Variants in PCDHGA6 observed in about 807,000 individuals in gnomAD.
PCDHGA6 encodes the protein protocadherin gamma-A6.
PCDHGA6 carries 41 observed loss-of-function variants against 60.6 expected under a neutral mutation model. The ratio of observed to expected loss-of-function variants is 0.68; its 90% CI spans 0.53 to 0.88. PCDHGA6 has a LOEUF of 0.88. Among genes scored for constraint, PCDHGA6 ranks in the 40% least tolerant of loss-of-function variants. The pLI, the probability that PCDHGA6 is intolerant of heterozygous loss-of-function variation, is 0.00. For synonymous variants in PCDHGA6, 594 were observed against 524.4 expected, an observed-to-expected ratio of 1.13 and a Z score of -1.81; for missense variants, 1,312 against 1,203.0, an observed-to-expected ratio of 1.09 and a Z score of -1.34.
At chr5:141,384,783 G>A in intron 1 of PCDHGA6, 4 of 1,613,678 alleles carry the variant, frequency 2.5e-6, no homozygotes, top group South Asian at 1.1e-5. Flanking sequence ...AGGTGCGCAC[G>A]GCTCGGGCCC....
At chr5:141,389,806 T>C in intron 1 of PCDHGA6, 3 of 1,613,810 alleles carry the variant, frequency 1.9e-6, no homozygotes, top group Non-Finnish European at 2.5e-6. Flanking sequence ...CAGCGCCTTC[T>C]GGTCGCCGTG....
intron 1 of PCDHGA6, among the ~76,000 whole-genome samples, chr5:141,484,752 A>G (rs181317421): frequency 6.6e-5 from 10 of 151,098 alleles, no homozygotes; most frequent in Admixed American, 3.3e-4. Context: ...AAAAAAATGT[A>G]TATATATATA....
Position 141,485,563 on chromosome 5 carries a change from C to T in PCDHGA6, c.2425-9244C>T, listed in dbSNP as rs746689576. The T allele has an allele frequency of 1.2e-5, 19 of 1,612,904 alleles. No homozygotes were observed. In the South Asian group the frequency reaches 1.6e-4, roughly 14 times the overall value. ...AGATCGTAGATGTGAATGATCACGCCCCCCGTTTTCCGCGGCAGCAGCTGG... is the reference window on the plus strand; with the variant it reads ...AGATCGTAGATGTGAATGATCACGCTCCCCGTTTTCCGCGGCAGCAGCTGG... On this transcript the variant is annotated intron_variant, in intron 1 of 3. Coordinates refer to ENST00000517434, the MANE Select transcript of PCDHGA6 (RefSeq NM_018919.3). This position sits in a 1 kb window ranked among gnomAD's most constrained non-coding sequence, Gnocchi z 5.7.
At chr5:141,488,260 G>A (rs1297588710) in intron 1 of PCDHGA6, among the ~76,000 whole-genome samples, 2 of 152,182 alleles carry the variant, frequency 1.3e-5, no homozygotes, top group Non-Finnish European at 1.5e-5. Context: ...AGGTTGGGGC[G>A]GGTTGGTCAT....
intron 1 of PCDHGA6, among the ~76,000 whole-genome samples, chr5:141,430,243 T>C (rs1020416761): frequency 5.6e-5 from 6 of 106,478 alleles, no homozygotes; most frequent in African/African-American, 3.0e-4. Flanking sequence ...GAGAAACTCC[T>C]AGGGAGACAT....
Position 141,486,445 on chromosome 5 carries a change from G to A in PCDHGA6, c.2425-8362G>A. On this transcript the variant is annotated intron_variant, in intron 1 of 3. Coordinates refer to ENST00000517434, the MANE Select transcript of PCDHGA6 (RefSeq NM_018919.3). The surrounding 1 kb of genome is among the most constrained non-coding windows in gnomAD (Gnocchi z 5.0). ...AGGCCAAATCTAGCTATGACATCAT[G>A]GTCACTGCTTCTGATGCTGGGAACC... 6.2e-7 allele frequency: 1 copy of A among 1,613,948 alleles called. No homozygotes were observed. The highest frequency in any genetic ancestry group is 8.5e-7 in the Non-Finnish European group (1 of 1,179,862).
intron 1 of PCDHGA6, chr5:141,410,783 T>C (rs2095423369): frequency 1.1e-6 from 1 of 919,042 alleles, no homozygotes; most frequent in East Asian, 2.7e-5. Flanking sequence ...ACTATGTATT[T>C]GGTTCATAAG....
chr5:141,374,916 C>T lies in PCDHGA6; in HGVS notation c.833C>T (p.Thr278Ile). The part of the protein sequence containing the change: ...DQDEGVHGEV[T>I]YSFVKITEKI... ...GATGAAGGAGTCCACGGGGAAGTAA[C>T]TTATTCCTTTGTGAAGATTACAGAA... Residue 278 changes from threonine (T) to isoleucine (I), a missense_variant, in exon 1 of 4, where the codon ACT becomes ATT. Coordinates refer to ENST00000517434, the MANE Select transcript of PCDHGA6 (RefSeq NM_018919.3). 1.2e-6 allele frequency: 2 copies of T among 1,613,924 alleles called. No individual in the cohort carries two copies. The highest frequency in any genetic ancestry group is 1.7e-6 in the Non-Finnish European group (2 of 1,179,898).
Position 141,487,650 on chromosome 5 carries a change from G to T in PCDHGA6, c.2425-7157G>T, listed in dbSNP as rs772715932. The T allele has an allele frequency of 6.8e-6, 11 of 1,613,876 alleles. No individual in the cohort carries two copies. Among genetic ancestry groups the T allele is most frequent in the Admixed American group, 1.7e-5 (1 of 59,978 alleles). On this transcript the variant is annotated intron_variant, in intron 1 of 3. Coordinates refer to ENST00000517434, the MANE Select transcript of PCDHGA6 (RefSeq NM_018919.3). This position sits in a 1 kb window ranked among gnomAD's most constrained non-coding sequence, Gnocchi z 5.0. ...TTGCAGGCTCAACAAATGCTTGAGG[G>T]TTATTCTGATCCAGGCATATGGCTA...
intron 1 of PCDHGA6, among the ~76,000 whole-genome samples, chr5:141,463,346 C>G (rs963070531): frequency 6.7e-6 from 1 of 150,312 alleles, no homozygotes; most frequent in Non-Finnish European, 1.5e-5. Context: ...TGGTGTTATT[C>G]TTGGATTTCC....
chr5:141,419,018 AG>A (rs2096314197), intron 1 of PCDHGA6: 1 of 1,613,838 alleles, frequency 6.2e-7, no homozygotes, highest in African/African-American at 1.3e-5. Context: ...GTGTAGCTTA[AG>A]TAGAGGTGTT....
intron 1 of PCDHGA6, chr5:141,423,010 G>C: frequency 6.2e-7 from 1 of 1,614,226 alleles, no homozygotes; most frequent in South Asian, 1.1e-5. Context: ...GGTGGTTGCG[G>C]TGGACAAAGA....
chr5:141,403,210 C>G (rs369033480), intron 1 of PCDHGA6: 1 of 1,613,946 alleles, frequency 6.2e-7, no homozygotes, highest in Admixed American at 1.7e-5. Flanking sequence ...CCTTGGTCAC[C>G]GCGGGTAGGA....
At chr5:141,435,026 C>T (rs977017371) in intron 1 of PCDHGA6, among the ~76,000 whole-genome samples, 1 of 151,978 alleles carries the variant, frequency 6.6e-6, no homozygotes, top group Non-Finnish European at 1.5e-5. Flanking sequence ...GCTCTTTTCC[C>T]ACTTTTATTT....
At chr5:141,456,215 C>T (rs1465130067) in intron 1 of PCDHGA6, among the ~76,000 whole-genome samples, 2 of 152,048 alleles carry the variant, frequency 1.3e-5, no homozygotes, top group African/African-American at 2.4e-5. Flanking sequence ...CTCCCTGTGG[C>T]GATATCAAAC....
At chr5:141,413,450 G>T (rs2095642221) in intron 1 of PCDHGA6, 1 of 1,614,148 alleles carries the variant, frequency 6.2e-7, no homozygotes, top group Non-Finnish European at 8.5e-7. Context: ...ATCACCGCGG[G>T]CAGGATAGAC....
chr5:141,422,478 G>C, intron 1 of PCDHGA6: 1 of 1,613,914 alleles, frequency 6.2e-7, no homozygotes, highest in Non-Finnish European at 8.5e-7. Flanking sequence ...AGTTGGTCCA[G>C]AGCTACAATA....
At chr5:141,497,018 A>G (rs988584487) in intron 2 of PCDHGA6, among the ~76,000 whole-genome samples, 1 of 152,084 alleles carries the variant, frequency 6.6e-6, no homozygotes, top group Non-Finnish European at 1.5e-5. Flanking sequence ...GTGAAACCCC[A>G]TCTCGATTAA....
At chr5:141,505,767 AGGTCCTAGCTCT>A (rs2099848180) in intron 3 of PCDHGA6, among the ~76,000 whole-genome samples, 1 of 151,756 alleles carries the variant, frequency 6.6e-6, no homozygotes, top group Non-Finnish European at 1.5e-5. Context: ...AGTGTAGCTC[AGGTCCTAGCTCT>A]GCTACTATCC....
Sources: gnomAD v4.1 joint callset for allele counts (sites outside exome capture counted in the v4.1 genomes callset) on GRCh38, gnomAD v4.1.1 for gene constraint, Gnocchi (gnomAD v3.1) non-coding constraint, MANE v1.5 for transcripts, NCBI Gene and HGNC (gene_info 2026-07-23, HGNC 2026-07-21) for gene names.